The following GPC3 variants were observed in gnomAD, a reference collection of about 807,000 sequenced individuals.
The protein encoded by GPC3 is glypican-3.
A neutral mutation model predicts 34.4 loss-of-function variants in GPC3; 3 were observed. The observed-to-expected ratio is 0.09, with a 90% CI of 0.04 to 0.23. The LOEUF is 0.23. GPC3 is among the 10% of genes least tolerant of loss of function. The probability of loss-of-function intolerance (pLI) is 1.00; values close to 1 mark genes in which losing one functional copy is unlikely to be tolerated. For missense variants in GPC3, 351 were observed against 445.6 expected (o/e 0.79, Z 1.91); for synonymous variants, 177 against 174.0 (o/e 1.02, Z -0.13).
At chrX:133,967,504 C>A (rs1344356056) in intron 1 of GPC3, among the ~76,000 whole-genome samples, 1 of 112,534 alleles carries the variant, frequency 8.9e-6, no homozygotes, top group Non-Finnish European at 1.9e-5. Context: ...GATCCAGAGT[C>A]TCCCTGTGGC....
intron 6 of GPC3, among the ~76,000 whole-genome samples, chrX:133,628,508 T>G (rs2070331245): frequency 9.1e-6 from 1 of 109,929 alleles, no homozygotes; most frequent in South Asian, 4.0e-4. Flanking sequence ...ATACAAAAAT[T>G]AGCCAGGCAT....
intron 3 of GPC3, among the ~76,000 whole-genome samples, chrX:133,707,394 T>C (rs2071228020): frequency 3.6e-5 from 4 of 112,042 alleles, no homozygotes; most frequent in Admixed American, 1.9e-4. Flanking sequence ...TTTATGTTTC[T>C]GAAACATATA....
intron 2 of GPC3, among the ~76,000 whole-genome samples, chrX:133,886,387 C>T (rs774703662): frequency 1.8e-5 from 2 of 109,762 alleles, no homozygotes; most frequent in East Asian, 5.7e-4. Context: ...GAAAAGAACT[C>T]AGGTTGGTCT....
At chrX:133,763,211 A>T in intron 2 of GPC3, 1 of 601,678 alleles carries the variant, frequency 1.7e-6, no homozygotes, top group Non-Finnish European at 2.8e-6. Flanking sequence ...GAGGCATCTT[A>T]TGTTAATCTT....
intron 1 of GPC3, among the ~76,000 whole-genome samples, chrX:133,983,913 C>T (rs1255073076): frequency 8.9e-6 from 1 of 112,636 alleles, no homozygotes; most frequent in African/African-American, 3.2e-5. Context: ...TGCGCAAATG[C>T]ATTTCAGTCA....
At chrX:133,828,961 C>T (rs1424545884) in intron 2 of GPC3, among the ~76,000 whole-genome samples, 1 of 111,028 alleles carries the variant, frequency 9.0e-6, no homozygotes, top group African/African-American at 3.3e-5. Context: ...TAAATATATA[C>T]AACATTTGTC....
chrX:133,724,703 A>C (rs1384052080), intron 3 of GPC3, among the ~76,000 whole-genome samples: 2 of 111,540 alleles, frequency 1.8e-5, no homozygotes, highest in Non-Finnish European at 3.8e-5. Flanking sequence ...ATCACTCTCA[A>C]CTCTGGAATC....
At chrX:133,967,753 CAAGT>C (rs2076470325) in intron 1 of GPC3, among the ~76,000 whole-genome samples, 1 of 111,952 alleles carries the variant, frequency 8.9e-6, no homozygotes, top group Non-Finnish European at 1.9e-5. Flanking sequence ...CTCAGCTTCC[CAAGT>C]AACTGGGATT....
At chrX:133,762,938 T>G in intron 2 of GPC3, 1 of 573,041 alleles carries the variant, frequency 1.7e-6, no homozygotes, top group Non-Finnish European at 3.1e-6. Flanking sequence ...GGCATCTACA[T>G]CCTAAATCTG....
intron 5 of GPC3, among the ~76,000 whole-genome samples, chrX:133,687,144 G>A (rs1312031782): frequency 1.2e-5 from 1 of 83,923 alleles, no homozygotes; most frequent in South Asian, 6.2e-4. Context: ...AGGTTTCACC[G>A]TGTTAGCCAG....
intron 1 of GPC3, among the ~76,000 whole-genome samples, chrX:133,973,214 C>G (rs1216133302): frequency 1.1e-4 from 12 of 112,173 alleles, no homozygotes; most frequent in Non-Finnish European, 2.1e-4. Flanking sequence ...CCCTTCCTCT[C>G]ATACTCCAGT....
At chrX:133,782,817 T>A (rs2072062074) in intron 2 of GPC3, among the ~76,000 whole-genome samples, 2 of 111,733 alleles carry the variant, frequency 1.8e-5, no homozygotes, top group Admixed American at 1.9e-4. Context: ...CATATAAATG[T>A]CTGTGCCTAG....
intron 2 of GPC3, among the ~76,000 whole-genome samples, chrX:133,773,245 T>C (rs750949902): frequency 5.4e-5 from 6 of 110,322 alleles, no homozygotes; most frequent in African/African-American, 2.0e-4. Context: ...AGAGATGGGG[T>C]TTCACCATGA....
intron 6 of GPC3, among the ~76,000 whole-genome samples, chrX:133,597,292 C>T (rs1238868486): frequency 2.7e-5 from 3 of 111,723 alleles, no homozygotes; most frequent in Admixed American, 9.5e-5. Context: ...ACGGGACTCC[C>T]GCCTTTCAAA....
intron 2 of GPC3, among the ~76,000 whole-genome samples, chrX:133,843,067 T>C (rs1252387392): frequency 8.9e-6 from 1 of 111,811 alleles, no homozygotes; most frequent in African/African-American, 3.3e-5. Flanking sequence ...CTGAGTCTCA[T>C]CACCTACAGT....
intron 2 of GPC3, among the ~76,000 whole-genome samples, chrX:133,755,293 C>G (rs2071716634): frequency 9.0e-6 from 1 of 111,586 alleles, no homozygotes; most frequent in Non-Finnish European, 1.9e-5. Flanking sequence ...CTTGAAAAAT[C>G]GAATTATTAC....
intron 2 of GPC3, among the ~76,000 whole-genome samples, chrX:133,808,454 A>C (rs2075647247): frequency 8.9e-6 from 1 of 112,407 alleles, no homozygotes; most frequent in Non-Finnish European, 1.9e-5. Flanking sequence ...ACTATTCAAC[A>C]GACTTTGAGA....
At chrX:133,801,607 C>G (rs2075609784) in intron 2 of GPC3, among the ~76,000 whole-genome samples, 1 of 112,202 alleles carries the variant, frequency 8.9e-6, no homozygotes, top group African/African-American at 3.2e-5. Context: ...TAACAAATGC[C>G]AATCTTTGGT....
At chrX:133,745,339 C>T (rs7889834) in intron 3 of GPC3, among the ~76,000 whole-genome samples, 6,893 of 111,624 alleles carry the variant, frequency 0.062, 557 homozygotes, top group African/African-American at 0.21. Flanking sequence ...AAGCATGTGC[C>T]TACCACTCTG....
Sources: allele counts gnomAD v4.1 joint callset (sites outside exome capture counted in the v4.1 genomes callset), GRCh38; gene constraint gnomAD v4.1.1; transcripts MANE v1.5; gene names NCBI Gene and HGNC (gene_info 2026-07-23, HGNC 2026-07-21).